Variants in CTNNA2 observed in about 807,000 individuals in gnomAD.
The protein encoded by CTNNA2 is catenin alpha-2.
A neutral mutation model predicts 101.0 loss-of-function variants in CTNNA2; 42 were observed. The ratio of observed to expected loss-of-function variants is 0.42; its 90% confidence interval spans 0.32 to 0.54. The LOEUF is 0.54. Among genes scored for constraint, CTNNA2 ranks in the 20% least tolerant of loss-of-function variants. The pLI is 0.14. For missense variants in CTNNA2, 871 were observed against 1,223.1 expected (o/e 0.71, Z 4.29); for synonymous variants, 450 against 456.4 (o/e 0.99, Z 0.18).
intron 2 of CTNNA2, among the ~76,000 whole-genome samples, chr2:79,659,450 A>G (rs1313853916): frequency 2.0e-5 from 3 of 152,150 alleles, no homozygotes; most frequent in Middle Eastern, 3.2e-3. Flanking sequence ...CAGTGTTACC[A>G]TAAGTTGTGC....
rs573658147 is a variant in CTNNA2, at chr2:79,918,494, C to T, written c.1056+8697C>T. Among the ~76,000 whole-genome samples the T allele has an allele frequency of 1.6e-3, 244 of 152,252 alleles. 2 individuals carry two copies. The highest frequency in any genetic ancestry group is 4.7e-3 in the African/African-American group (197 of 41,546). ...GTTAATGAAACCATTGGGGTTTGAT[C>T]TAAGAAAGTAAAACTTCCATACAGA... On this transcript the variant is annotated intron_variant, in intron 7 of 18. Coordinates refer to ENST00000402739, the MANE Select transcript of CTNNA2 (RefSeq NM_001282597.3).
intron 4 of CTNNA2, 69 bp from the exon 5 acceptor site, chr2:79,869,747 C>T (rs1682440597): frequency 6.4e-7 from 1 of 1,551,446 alleles, no homozygotes. Flanking sequence ...GTGCAAATTC[C>T]ATTTCTAACA....
chr2:79,760,357 A>C (rs1672707569), intron 3 of CTNNA2, among the ~76,000 whole-genome samples: 1 of 152,022 alleles, frequency 6.6e-6, no homozygotes, highest in Admixed American at 6.6e-5. Flanking sequence ...AGAGAAAGAG[A>C]ACCAATAGGT....
intron 13 of CTNNA2, among the ~76,000 whole-genome samples, chr2:80,575,691 C>A (rs1485210778): frequency 6.6e-6 from 1 of 152,022 alleles, no homozygotes; most frequent in Non-Finnish European, 1.5e-5. Flanking sequence ...GCTTTGCTGG[C>A]CTTCACATGT....
rs1009813190 is a variant in CTNNA2, at chr2:80,142,157, C to T, written c.1056+232360C>T. ...GCACCTATGTCTTATGAGCCCCTGC[C>T]TCAAGATGTCCCACTTTTTTAGGTC... is the stretch of plus-strand genomic sequence containing the variant. On this transcript the variant is annotated intron_variant, in intron 7 of 18. Coordinates refer to ENST00000402739, the MANE Select transcript of CTNNA2 (RefSeq NM_001282597.3). Among the ~76,000 whole-genome samples, 3 of 152,188 alleles carry T rather than the reference C, an allele frequency of 2.0e-5. No homozygotes were observed. The East Asian group carries it at 5.8e-4, about 29-fold the overall frequency.
chr2:80,312,026 G>A (rs985982532), intron 7 of CTNNA2, among the ~76,000 whole-genome samples: 1 of 152,166 alleles, frequency 6.6e-6, no homozygotes, highest in Admixed American at 6.5e-5. Flanking sequence ...TCTTCTACTT[G>A]CTATTAGCAA....
chr2:79,569,252 GA>G (rs892501743), intron 1 of CTNNA2, among the ~76,000 whole-genome samples: 10 of 152,120 alleles, frequency 6.6e-5, no homozygotes, highest in African/African-American at 2.4e-4. Context: ...GTCCTTGTGG[GA>G]GTAGCTGTTC....
chr2:79,410,499 T>G (rs1678396959), intron 4 of CTNNA2, among the ~76,000 whole-genome samples: 1 of 151,992 alleles, frequency 6.6e-6, no homozygotes, highest in African/African-American at 2.4e-5. Flanking sequence ...TTATTGAGAG[T>G]TTTTAGCATG....
Position 80,540,938 on chromosome 2 carries a change from C to T in CTNNA2, c.1291-4044C>T, listed in dbSNP as rs79362892. ...CTTCAACTCCTGGCTTATTAGGAGCCTCAGCCTCCCAAATTGCTGGGATTA... is the reference window on the plus strand; with the variant it reads ...CTTCAACTCCTGGCTTATTAGGAGCTTCAGCCTCCCAAATTGCTGGGATTA... On this transcript the variant is annotated intron_variant, in intron 9 of 18. Coordinates refer to ENST00000402739, the MANE Select transcript of CTNNA2 (RefSeq NM_001282597.3). Among the ~76,000 whole-genome samples the T allele has an allele frequency of 0.019, 2,829 of 152,288 alleles. 188 individuals carry two copies. In the East Asian group the frequency reaches 0.23, roughly 12 times the overall value.
intron 1 of CTNNA2, among the ~76,000 whole-genome samples, chr2:79,621,803 C>A (rs1387825075): frequency 6.6e-6 from 1 of 152,148 alleles, no homozygotes; most frequent in Admixed American, 6.5e-5. Flanking sequence ...TAGTGATGAA[C>A]CATGTGGACA....
intron 3 of CTNNA2, among the ~76,000 whole-genome samples, chr2:79,363,747 T>C (rs929972190): frequency 1.3e-5 from 2 of 152,188 alleles, no homozygotes; most frequent in Non-Finnish European, 2.9e-5. Context: ...ACTTTTGTAC[T>C]CTATATAAGC....
At chr2:80,625,691 C>T (rs894942487) in intron 18 of CTNNA2, among the ~76,000 whole-genome samples, 4 of 151,954 alleles carry the variant, frequency 2.6e-5, no homozygotes, top group African/African-American at 7.2e-5. Context: ...CTTTATCATC[C>T]TTTCTTCCAT....
intron 7 of CTNNA2, among the ~76,000 whole-genome samples, chr2:80,078,574 G>A (rs1698914292): frequency 2.0e-5 from 3 of 152,162 alleles, no homozygotes; most frequent in African/African-American, 4.8e-5. Context: ...TGCAGATGTC[G>A]CTATGATCAG....
chr2:80,271,395 A>G (rs310779), intron 7 of CTNNA2, among the ~76,000 whole-genome samples: 151,664 of 151,686 alleles, frequency 1, 75,821 homozygotes, highest in Middle Eastern at 1. Context: ...ATTATACCAC[A>G]TTGACCAAGC....
chr2:80,295,569 C>G (rs1675669947), intron 7 of CTNNA2, among the ~76,000 whole-genome samples: 1 of 152,136 alleles, frequency 6.6e-6, no homozygotes, highest in Non-Finnish European at 1.5e-5. Context: ...CTCTTGAAAA[C>G]CACTTTTGTT....
At chr2:80,029,164 G>A (rs975384822) in intron 7 of CTNNA2, among the ~76,000 whole-genome samples, 15 of 152,244 alleles carry the variant, frequency 9.9e-5, no homozygotes, top group Middle Eastern at 3.4e-3. Flanking sequence ...CTGCTACTAC[G>A]ATTACTACTA....
chr2:79,758,426 T>A (rs921410940), intron 3 of CTNNA2, among the ~76,000 whole-genome samples: 15 of 152,298 alleles, frequency 9.8e-5, no homozygotes, highest in Admixed American at 3.3e-4. Flanking sequence ...CTTCTTTTTT[T>A]AAAACAAAAA....
chr2:80,435,453 A>G (rs1681943973), intron 9 of CTNNA2, among the ~76,000 whole-genome samples: 1 of 152,076 alleles, frequency 6.6e-6, no homozygotes, highest in Non-Finnish European at 1.5e-5. Context: ...TAATCTCACT[A>G]TTTAAAAAGA....
chr2:80,077,596 A>C (rs1422746131), intron 7 of CTNNA2, among the ~76,000 whole-genome samples: 1 of 151,842 alleles, frequency 6.6e-6, no homozygotes, highest in Non-Finnish European at 1.5e-5. Context: ...TAAAAAAAAA[A>C]AAAAACATAA....
Sources: gnomAD v4.1 joint callset for allele counts (sites outside exome capture counted in the v4.1 genomes callset) on GRCh38, gnomAD v4.1.1 for gene constraint, MANE v1.5 for transcripts, NCBI Gene and HGNC (gene_info 2026-07-23, HGNC 2026-07-21) for gene names.